Variants in DAB1 observed in about 807,000 individuals in gnomAD.
The protein encoded by DAB1 is disabled homolog 1.
In DAB1, 15 loss-of-function variants were observed where a neutral mutation model predicts 64.6. The ratio of observed to expected loss-of-function variants is 0.23; its 90% CI spans 0.16 to 0.36. DAB1 has a LOEUF of 0.36. DAB1 is among the 10% of genes least tolerant of loss of function. The pLI is 1.00. For synonymous variants in DAB1, 235 were observed against 251.9 expected, an observed-to-expected ratio of 0.93 and a Z score of 0.64; for missense variants, 596 against 706.7, an observed-to-expected ratio of 0.84 and a Z score of 1.78.
intron 7 of DAB1, among the ~76,000 whole-genome samples, chr1:57,623,644 A>T (rs558720697): frequency 6.6e-6 from 1 of 152,220 alleles, no homozygotes; most frequent in African/African-American, 2.4e-5. Flanking sequence ...GGGGTAAGGA[A>T]CTGACAGAAT....
chr1:58,128,770 C>T (rs1365412950), intron 5 of DAB1, among the ~76,000 whole-genome samples: 43 of 131,634 alleles, frequency 3.3e-4, no homozygotes, highest in African/African-American at 1.2e-3. Flanking sequence ...TATTGATTTG[C>T]GTATATTGAA....
intron 7 of DAB1, among the ~76,000 whole-genome samples, chr1:57,619,853 G>A: frequency 6.6e-6 from 1 of 152,038 alleles, no homozygotes; most frequent in South Asian, 2.1e-4. Flanking sequence ...AGGAGGGGAG[G>A]GGTCAACTGG....
At chr1:57,609,078 T>A (rs1310559483) in intron 7 of DAB1, among the ~76,000 whole-genome samples, 1 of 152,148 alleles carries the variant, frequency 6.6e-6, no homozygotes, top group African/African-American at 2.4e-5. Context: ...TGACCTTATA[T>A]CAAACCTATT....
intron 5 of DAB1, among the ~76,000 whole-genome samples, chr1:58,094,641 T>C (rs758765762): frequency 5.3e-5 from 8 of 152,256 alleles, no homozygotes; most frequent in Non-Finnish European, 7.3e-5. Context: ...ATATAAAACA[T>C]TTAGGCCAGC....
chr1:57,889,906 G>C lies in DAB1; in HGVS notation n.388-5744C>G, dbSNP rs533777765. On this transcript the variant is annotated intron_variant and non_coding_transcript_variant, in intron 5 of 20. Transcript: ENST00000485760. Reference sequence around the variant, plus strand: ...TGGTAGCACAAACTGGGGCGGGGGGGGGGGAGGGGGAAGAAATCACTGGAG... The same window carrying C: ...TGGTAGCACAAACTGGGGCGGGGGGCGGGGAGGGGGAAGAAATCACTGGAG... Among the ~76,000 whole-genome samples the C allele has an allele frequency of 1.6e-3, 199 of 127,020 alleles. 5 individuals carry two copies. The South Asian group carries it at 0.046, about 29-fold the overall frequency. The allele number at this position is 127,020 out of a possible 152,430, so 83.3% of individuals were successfully genotyped here.
intron 7 of DAB1, among the ~76,000 whole-genome samples, chr1:57,441,362 CT>C (rs1462279385): frequency 1.5e-5 from 2 of 132,432 alleles, no homozygotes; most frequent in East Asian, 4.2e-4. Context: ...TTTCTTTCTT[CT>C]TTCTTTTTTT....
chr1:57,250,571 T>C (rs1669259467), intron 2 of DAB1, among the ~76,000 whole-genome samples: 2 of 152,144 alleles, frequency 1.3e-5, no homozygotes, highest in African/African-American at 2.4e-5. Context: ...TCCAATAAAA[T>C]GTATTTAAAA....
At chr1:57,842,447 A>C (rs557119175) in intron 1 of DAB1, among the ~76,000 whole-genome samples, 1 of 152,180 alleles carries the variant, frequency 6.6e-6, no homozygotes, top group Non-Finnish European at 1.5e-5. Flanking sequence ...GCAATGCCCC[A>C]CTTCTCTCAG....
At chr1:58,263,966 A>G (rs536955975) in intron 4 of DAB1, among the ~76,000 whole-genome samples, 1 of 152,338 alleles carries the variant, frequency 6.6e-6, no homozygotes, top group East Asian at 1.9e-4. Context: ...AATTCCTGGA[A>G]CAAAAGCATG....
intron 7 of DAB1, among the ~76,000 whole-genome samples, chr1:57,497,629 A>G (rs1570574092): frequency 6.6e-6 from 1 of 152,210 alleles, no homozygotes; most frequent in South Asian, 2.1e-4. Context: ...CTGTGTACAC[A>G]TTGGATGGGC....
At chr1:57,483,665 G>A (rs1396462199) in intron 7 of DAB1, among the ~76,000 whole-genome samples, 1 of 151,952 alleles carries the variant, frequency 6.6e-6, no homozygotes, top group African/African-American at 2.4e-5. Flanking sequence ...AGGCTGGAGT[G>A]CAGTGGTGCA....
intron 6 of DAB1, among the ~76,000 whole-genome samples, chr1:57,737,911 G>A (rs1233027501): frequency 6.6e-6 from 1 of 152,208 alleles, no homozygotes; most frequent in South Asian, 2.1e-4. Context: ...TCTGATGACT[G>A]GAACTAGGGC....
chr1:58,168,565 T>C (rs1299303989), intron 4 of DAB1, among the ~76,000 whole-genome samples: 1 of 152,064 alleles, frequency 6.6e-6, no homozygotes, highest in African/African-American at 2.4e-5. Flanking sequence ...TTCCCTTCTT[T>C]AGGTACACGG....
chr1:58,147,798 A>T (rs1654691395), intron 5 of DAB1, among the ~76,000 whole-genome samples: 2 of 152,168 alleles, frequency 1.3e-5, no homozygotes, highest in Admixed American at 1.3e-4. Context: ...ACCCAACAGT[A>T]TAAACCTGCA....
chr1:57,861,219 C>T (rs1048462699), intron 1 of DAB1, among the ~76,000 whole-genome samples: 9 of 152,186 alleles, frequency 5.9e-5, no homozygotes, highest in Non-Finnish European at 1.0e-4. Context: ...CTCAGACGGA[C>T]CTTGTCTTAG....
intron 6 of DAB1, among the ~76,000 whole-genome samples, chr1:57,712,445 A>T (rs973034840): frequency 1.3e-5 from 2 of 152,244 alleles, no homozygotes; most frequent in African/African-American, 4.8e-5. Context: ...GTTTTGTAAC[A>T]TACTTTTTGG....
chr1:57,980,285 A>G (rs971108322), intron 5 of DAB1, among the ~76,000 whole-genome samples: 2 of 151,910 alleles, frequency 1.3e-5, no homozygotes, highest in Non-Finnish European at 2.9e-5. Flanking sequence ...GACTCGAGTC[A>G]TCTCTACATG....
intron 7 of DAB1, among the ~76,000 whole-genome samples, chr1:57,441,268 CTTTCTCTTTCTTTCTTTCTT>C (rs1685936261): frequency 2.3e-5 from 3 of 128,212 alleles, no homozygotes; most frequent in Admixed American, 7.5e-5. Flanking sequence ...TCTTTTCTTT[CTTTCTCTTTCTTTCTTTCTT>C]TCTTTCTTTC....
At chr1:58,238,605 T>C (rs1276328038) in intron 4 of DAB1, among the ~76,000 whole-genome samples, 1 of 152,162 alleles carries the variant, frequency 6.6e-6, no homozygotes, top group Non-Finnish European at 1.5e-5. Context: ...TTGTGCCCCC[T>C]GAGGATTAGT....
Sources: gnomAD v4.1 joint callset for allele counts (sites outside exome capture counted in the v4.1 genomes callset) on GRCh38, gnomAD v4.1.1 for gene constraint, MANE v1.5 for transcripts, NCBI Gene and HGNC (gene_info 2026-07-23, HGNC 2026-07-21) for gene names.